The following RAB8B variants were observed in gnomAD, a reference collection of about 807,000 sequenced individuals.
The protein encoded by RAB8B is ras-related protein Rab-8B.
Under a neutral mutation model 32.0 loss-of-function variants are expected in RAB8B, and 11 were observed. The ratio of observed to expected loss-of-function variants is 0.34; its 90% CI spans 0.22 to 0.57. The LOEUF (loss-of-function observed/expected upper bound fraction) is 0.57. RAB8B is among the 20% of genes least tolerant of loss of function. The pLI is 0.86. For synonymous variants in RAB8B, 103 were observed against 89.6 expected (o/e 1.15, Z -0.85); for missense variants, 190 against 258.5 (o/e 0.73, Z 1.82).
intron 1 of RAB8B, among the ~76,000 whole-genome samples, chr15:63,239,491 C>T (rs1330535742): frequency 6.7e-6 from 1 of 149,378 alleles, no homozygotes; most frequent in Non-Finnish European, 1.5e-5. Flanking sequence ...CGGCTCACTG[C>T]AACCTCTACC....
At chr15:63,191,507 T>C (rs2037555892) in intron 1 of RAB8B, among the ~76,000 whole-genome samples, 1 of 152,214 alleles carries the variant, frequency 6.6e-6, no homozygotes, top group African/African-American at 2.4e-5. Context: ...AGATTTTAAA[T>C]GTCATCTCTC....
intron 1 of RAB8B, among the ~76,000 whole-genome samples, chr15:63,231,387 T>A (rs55976323): frequency 0.23 from 35,060 of 152,114 alleles, 4,373 homozygotes; most frequent in Admixed American, 0.32. Context: ...TGGTGCAACA[T>A]CATTGGAATG....
rs2038229399 is a variant in RAB8B at position 63,264,426 on chromosome 15, T to C, written c.*807T>C. The C allele has an allele frequency of 6.6e-6, 1 of 152,220 alleles. No homozygotes were observed. The highest frequency in any genetic ancestry group is 1.5e-5 in the Non-Finnish European group (1 of 68,038). The allele number at this position is 152,220 out of a possible 1,614,324, so 9.4% of individuals were successfully genotyped here. Reference sequence around the variant, plus strand: ...TTTGAACATTATTATCTGTTTCTATTTGTGAACTTCTTGAGCTGAAATTTT... The same window carrying C: ...TTTGAACATTATTATCTGTTTCTATCTGTGAACTTCTTGAGCTGAAATTTT... On this transcript the variant is annotated 3_prime_UTR_variant, in exon 8 of 8. Coordinates refer to ENST00000321437, the MANE Select transcript of RAB8B (RefSeq NM_016530.3).
chr15:63,257,283 A>G (rs1028700115), intron 5 of RAB8B, among the ~76,000 whole-genome samples: 1 of 149,898 alleles, frequency 6.7e-6, no homozygotes, highest in Non-Finnish European at 1.5e-5. Context: ...TTTTTGAGAC[A>G]AAGTCTTGCT....
chr15:63,202,885 C>G (rs1390896325), intron 1 of RAB8B, among the ~76,000 whole-genome samples: 1 of 152,220 alleles, frequency 6.6e-6, no homozygotes, highest in Non-Finnish European at 1.5e-5. Flanking sequence ...AGCAGAGAAA[C>G]CCGAGCAACT....
intron 1 of RAB8B, among the ~76,000 whole-genome samples, chr15:63,211,795 C>T (rs1307942112): frequency 6.6e-6 from 1 of 151,940 alleles, no homozygotes; most frequent in Non-Finnish European, 1.5e-5. Context: ...AGGGGAGTTG[C>T]CCCTAGTTGA....
At chr15:63,242,251 A>G (rs1386329715) in intron 1 of RAB8B, among the ~76,000 whole-genome samples, 1 of 151,904 alleles carries the variant, frequency 6.6e-6, no homozygotes, top group Non-Finnish European at 1.5e-5. Flanking sequence ...CACAGAGAAA[A>G]AAGGAGGAAA....
At chr15:63,219,891 G>A (rs1247976811) in intron 1 of RAB8B, among the ~76,000 whole-genome samples, 1 of 151,908 alleles carries the variant, frequency 6.6e-6, no homozygotes, top group Admixed American at 6.6e-5. Flanking sequence ...CTTCTTTTTT[G>A]GTTTTCTGCT....
intron 1 of RAB8B, among the ~76,000 whole-genome samples, chr15:63,243,486 A>C (rs2038048223): frequency 6.6e-6 from 1 of 152,194 alleles, no homozygotes; most frequent in African/African-American, 2.4e-5. Flanking sequence ...TTTGTCTTTG[A>C]AATTGATAAA....
In RAB8B at chr15:63,267,227, GA is replaced by G. The variant is rs1235794406; in HGVS notation, c.*3615del. Reference sequence around the variant, plus strand: ...AATTAATGGCTGTCATGTTCACTCTGAAAAAAATCTAAATGACTGAAATGTA... The same window carrying G: ...AATTAATGGCTGTCATGTTCACTCTGAAAAAATCTAAATGACTGAAATGTA... On this transcript the variant is annotated 3_prime_UTR_variant, in exon 8 of 8. Coordinates refer to ENST00000321437, the MANE Select transcript of RAB8B (RefSeq NM_016530.3). The G allele has an allele frequency of 1.3e-5, 2 of 152,358 alleles. No homozygotes were observed. The highest frequency in any genetic ancestry group is 2.1e-4 in the South Asian group (1 of 4,820). 9.4% of individuals were successfully genotyped at this position (152,358 alleles called of 1,614,324 possible). A position where few individuals can be genotyped will look rare whatever the true frequency, so the allele number is the denominator to read the frequency against.
chr15:63,253,853 G>A (rs1017891100), intron 3 of RAB8B, among the ~76,000 whole-genome samples: 2 of 152,176 alleles, frequency 1.3e-5, no homozygotes, highest in Admixed American at 6.5e-5. Context: ...ACTCCCACAT[G>A]TGTGCTTGGG....
intron 1 of RAB8B, among the ~76,000 whole-genome samples, chr15:63,202,399 A>G (rs1227440044): frequency 6.6e-6 from 1 of 152,226 alleles, no homozygotes; most frequent in East Asian, 1.9e-4. Flanking sequence ...TAATGCAAAC[A>G]TGCATCAAGT....
At chr15:63,243,754 C>G (rs559666648) in intron 1 of RAB8B, among the ~76,000 whole-genome samples, 1 of 151,982 alleles carries the variant, frequency 6.6e-6, no homozygotes, top group African/African-American at 2.4e-5. Context: ...TCATCTTAGT[C>G]CATTTTCTGC....
At chr15:63,207,490 AT>A (rs963534579) in intron 1 of RAB8B, among the ~76,000 whole-genome samples, 1 of 148,344 alleles carries the variant, frequency 6.7e-6, no homozygotes, top group Non-Finnish European at 1.5e-5. Flanking sequence ...TTTAACCCAT[AT>A]TTTTTTTCAG....
intron 2 of RAB8B, among the ~76,000 whole-genome samples, chr15:63,249,186 T>C (rs1377252610): frequency 1.3e-5 from 2 of 152,224 alleles, no homozygotes; most frequent in Non-Finnish European, 2.9e-5. Flanking sequence ...CTGAGCAGAA[T>C]GTACACAGTA....
chr15:63,214,990 A>G (rs75927441), intron 1 of RAB8B, among the ~76,000 whole-genome samples: 1,789 of 152,238 alleles, frequency 0.012, 38 homozygotes, highest in African/African-American at 0.042. Flanking sequence ...GGAGTTTGCA[A>G]TCTTCACAGG....
At position 63,263,657 on chromosome 15, in the gene RAB8B, C is replaced by T. The variant is rs201696255; in HGVS notation, c.*38C>T. 3.3e-6 allele frequency: 5 copies of T among 1,498,718 alleles called. No homozygotes were observed. In the Admixed American group the frequency reaches 6.8e-5, roughly 20 times the overall value. The allele number at this position is 1,498,718 out of a possible 1,614,324, so 92.8% of individuals were successfully genotyped here. A position where few individuals can be genotyped will look rare whatever the true frequency, so the allele number is the denominator to read the frequency against. On this transcript the variant is annotated 3_prime_UTR_variant, in exon 8 of 8. Transcript: ENST00000321437. ...GAGAGACTGCAGCACACCTAGAGGGCCCTTTCCTGCTTCTCTGAAAGCACA... is the reference window on the plus strand; with the variant it reads ...GAGAGACTGCAGCACACCTAGAGGGTCCTTTCCTGCTTCTCTGAAAGCACA...
rs752501066 is a variant in RAB8B, at chr15:63,256,490, A to G, written c.325-15A>G. 1.4e-5 allele frequency: 22 copies of G among 1,573,122 alleles called. No individual in the cohort carries two copies. The East Asian group carries it at 3.0e-4, about 22-fold the overall frequency. Reference sequence around the variant, plus strand: ...TCTCAGGCTGTTTTTATAGCATGCTATTTTCTCCCTGCAGCATGCCTCTTC... The same window carrying G: ...TCTCAGGCTGTTTTTATAGCATGCTGTTTTCTCCCTGCAGCATGCCTCTTC... On this transcript the variant is annotated splice_polypyrimidine_tract_variant and intron_variant, in intron 4 of 7. Coordinates refer to ENST00000321437, the MANE Select transcript of RAB8B (RefSeq NM_016530.3).
chr15:63,227,048 GT>G (rs1015324094), intron 1 of RAB8B, among the ~76,000 whole-genome samples: 17 of 152,148 alleles, frequency 1.1e-4, no homozygotes, highest in Admixed American at 3.9e-4. Flanking sequence ...GGCCATTTTG[GT>G]TTTGGTGGCT....
Sources: allele counts gnomAD v4.1 joint callset (sites outside exome capture counted in the v4.1 genomes callset), GRCh38; gene constraint gnomAD v4.1.1; transcripts MANE v1.5; gene names NCBI Gene and HGNC (gene_info 2026-07-23, HGNC 2026-07-21).